The following RANBP2 variants were observed in gnomAD, a reference collection of about 807,000 sequenced individuals.
RANBP2 encodes RAN binding protein 2, also known as E3 SUMO-protein ligase RanBP2.
A neutral mutation model predicts 303.6 loss-of-function variants in RANBP2; 57 were observed. That is an observed-to-expected ratio of 0.19 (90% CI 0.15 to 0.23). The LOEUF (loss-of-function observed/expected upper bound fraction) is 0.23. RANBP2 is among the 10% of genes least tolerant of loss of function. RANBP2 has a pLI of 1.00. For synonymous variants in RANBP2, 1,167 were observed against 1,301.5 expected (o/e 0.90, Z 2.23); for missense variants, 3,138 against 3,780.8 (o/e 0.83, Z 4.46).
chr2:109,697,216 G>A, the RANBP2 span, among the ~76,000 whole-genome samples: 1 of 152,276 alleles, frequency 6.6e-6, no homozygotes, highest in South Asian at 2.1e-4. Flanking sequence ...TTGGCTGGGC[G>A]CAGTAGCTCA....
rs752956033 is a variant in RANBP2, at chr2:108,767,573, A to G, written c.7034A>G (p.Asp2345Gly). 6.2e-7 allele frequency: 1 copy of G among 1,611,994 alleles called. No individual in the cohort carries two copies. Among genetic ancestry groups the G allele is most frequent in the Non-Finnish European group, 8.5e-7 (1 of 1,179,858 alleles). Residue 2345 changes from aspartate to glycine, a missense_variant, in exon 20 of 29, where the codon GAT (aspartate) becomes GGT (glycine). Asp to Gly is a moderately conservative substitution (Grantham distance 94). Coordinates refer to ENST00000283195, the MANE Select transcript of RANBP2 (RefSeq NM_006267.5). Reference sequence around the variant, plus strand: ...GCAAAACTCTACAGATATGATAAAGATGTTGGTCAATGGAAAGAAAGGGGC... The same window carrying G: ...GCAAAACTCTACAGATATGATAAAGGTGTTGGTCAATGGAAAGAAAGGGGC... ...HRAKLYRYDKDVGQWKERGIG... is the reference protein window; with the variant it reads ...HRAKLYRYDKGVGQWKERGIG...
At chr2:108,755,656 G>T (rs10432620) in intron 17 of RANBP2, among the ~76,000 whole-genome samples, 75,354 of 151,874 alleles carry the variant, frequency 0.5, 22,834 homozygotes, top group East Asian at 0.9. Context: ...GCCTCCCAAA[G>T]TGCTGGGATT....
intron 4 of RANBP2, among the ~76,000 whole-genome samples, chr2:108,732,959 G>A (rs1695291944): frequency 6.6e-6 from 1 of 152,152 alleles, no homozygotes; most frequent in Non-Finnish European, 1.5e-5. Context: ...GGGTAGCTGG[G>A]ACTACAGGCA....
the RANBP2 span, among the ~76,000 whole-genome samples, chr2:109,381,497 C>T: frequency 6.6e-6 from 1 of 152,136 alleles, no homozygotes; most frequent in African/African-American, 2.4e-5. Context: ...TTGGGCCATC[C>T]ACGTCCACCT....
chr2:109,384,965 G>A, the RANBP2 span, among the ~76,000 whole-genome samples: 1 of 152,204 alleles, frequency 6.6e-6, no homozygotes, highest in Admixed American at 6.5e-5. Context: ...ATTGCTCTTA[G>A]AATAAATCTA....
At chr2:109,439,775 C>G in the RANBP2 span, among the ~76,000 whole-genome samples, 2 of 151,880 alleles carry the variant, frequency 1.3e-5, no homozygotes, top group Admixed American at 1.3e-4. Context: ...AGGCACCCTG[C>G]AGGGGTCTGG....
the RANBP2 span, chr2:108,929,232 C>G: frequency 6.2e-7 from 1 of 1,614,170 alleles, no homozygotes; most frequent in Non-Finnish European, 8.5e-7. Context: ...GCGTCATTCT[C>G]CATGTCCCCT....
the RANBP2 span, chr2:109,564,210 G>T: frequency 1.6e-6 from 1 of 610,196 alleles, no homozygotes; most frequent in Non-Finnish European, 2.5e-6. Flanking sequence ...GGAGTCAAGT[G>T]ATTCAAGAAG....
the RANBP2 span, among the ~76,000 whole-genome samples, chr2:109,392,477 G>A: frequency 1.3e-5 from 2 of 152,038 alleles, no homozygotes; most frequent in Non-Finnish European, 2.9e-5. Context: ...AGGTAAAGTC[G>A]GCTTGGCCAG....
chr2:109,233,753 C>T, the RANBP2 span, among the ~76,000 whole-genome samples: 1 of 152,220 alleles, frequency 6.6e-6, no homozygotes, highest in African/African-American at 2.4e-5. Flanking sequence ...CATCAGCTTT[C>T]TGTTCCTGCC....
In RANBP2 at chr2:108,736,240, T is replaced by C. The variant is rs1299552963; in HGVS notation, c.773T>C (p.Leu258Ser). The change falls in exon 6 of 29, where the codon TTA (leucine) becomes TCA (serine). Residue 258 changes from leucine to serine, a missense_variant. Leu to Ser is a moderately radical substitution (Grantham distance 145, BLOSUM62 -2). Coordinates refer to ENST00000283195, the MANE Select transcript of RANBP2 (RefSeq NM_006267.5). ...STRDVQESRE[L>S]LQSFDSALQS... ...AGAGATGTGCAGGAAAGTAGAGAAT[T>C]ACTGCAAAGGTACGTTGACTTTGAG... The C allele has an allele frequency of 6.2e-7, 1 of 1,611,998 alleles. No homozygotes were observed.
the RANBP2 span, among the ~76,000 whole-genome samples, chr2:109,358,909 A>G: frequency 3.3e-5 from 5 of 152,088 alleles, no homozygotes; most frequent in African/African-American, 1.2e-4. Flanking sequence ...GGAGTTTTGT[A>G]GTTTTATATT....
At chr2:108,979,432 CTCTTTCTCTCTCTCTGTCTCTG>C in the RANBP2 span, among the ~76,000 whole-genome samples, 1 of 136,184 alleles carries the variant, frequency 7.3e-6, no homozygotes, top group South Asian at 2.6e-4. Context: ...GTCTCTCTCT[CTCTTTCTCTCTCTCTGTCTCTG>C]TCTCTCTCTC....
the RANBP2 span, among the ~76,000 whole-genome samples, chr2:109,717,959 C>T: frequency 1.3e-5 from 2 of 152,190 alleles, no homozygotes; most frequent in East Asian, 1.9e-4. Flanking sequence ...TTTGTGATAA[C>T]ATTAAAAGGA....
chr2:108,754,291 T>G (rs1016953853), intron 15 of RANBP2, among the ~76,000 whole-genome samples: 20 of 151,630 alleles, frequency 1.3e-4, no homozygotes, highest in Non-Finnish European at 2.5e-4. Context: ...GACTAATTCT[T>G]AATGAACTTT....
chr2:108,737,782 C>T (rs1444750036), intron 6 of RANBP2, among the ~76,000 whole-genome samples: 10 of 146,384 alleles, frequency 6.8e-5, no homozygotes, highest in South Asian at 2.2e-4. Flanking sequence ...GGGGCAATCT[C>T]GGCTCACTGC....
the RANBP2 span, among the ~76,000 whole-genome samples, chr2:109,723,476 G>C: frequency 6.6e-6 from 1 of 152,188 alleles, no homozygotes; most frequent in Non-Finnish European, 1.5e-5. Context: ...ACTGGAATAA[G>C]ATGGTATCTC....
intron 6 of RANBP2, among the ~76,000 whole-genome samples, chr2:108,737,402 G>A (rs1330380885): frequency 7.0e-6 from 1 of 143,034 alleles, no homozygotes; most frequent in Non-Finnish European, 1.5e-5. Flanking sequence ...GCAATGGAAC[G>A]ACCTTGGCTC....
chr2:108,732,495 G>A (rs826524), intron 4 of RANBP2, among the ~76,000 whole-genome samples: 37,232 of 152,044 alleles, frequency 0.24, 4,764 homozygotes, highest in South Asian at 0.34. Context: ...AAATACTTCT[G>A]GTCTCAAGCA....
Sources: allele counts gnomAD v4.1 joint callset (sites outside exome capture counted in the v4.1 genomes callset), GRCh38; gene constraint gnomAD v4.1.1; transcripts MANE v1.5; gene names NCBI Gene and HGNC (gene_info 2026-07-23, HGNC 2026-07-21).